Variants in CSMD3 observed in about 807,000 individuals in gnomAD.
CSMD3 encodes CUB and Sushi multiple domains 3.
In CSMD3, 177 loss-of-function variants were observed where a neutral mutation model predicts 435.2. The observed-to-expected ratio is 0.41, with a 90% confidence interval of 0.36 to 0.46. CSMD3 has a LOEUF of 0.46. CSMD3 is among the 20% of genes least tolerant of loss of function. The pLI, the probability that CSMD3 is intolerant of heterozygous loss-of-function variation, is 0.34. For synonymous variants in CSMD3, 1,656 were observed against 1,520.5 expected (o/e 1.09, Z -2.07); for missense variants, 4,265 against 4,504.6 (o/e 0.95, Z 1.52).
At chr8:112,852,038 C>T (rs1440094598) in intron 11 of CSMD3, among the ~76,000 whole-genome samples, 1 of 152,002 alleles carries the variant, frequency 6.6e-6, no homozygotes, top group African/African-American at 2.4e-5. Context: ...AGAAAATTTG[C>T]TTAGAGAAGT....
At chr8:113,005,511 T>C (rs2086023702) in intron 6 of CSMD3, among the ~76,000 whole-genome samples, 1 of 151,988 alleles carries the variant, frequency 6.6e-6, no homozygotes, top group African/African-American at 2.4e-5. Context: ...CATCAAAATA[T>C]ACTCTCAAAT....
intron 5 of CSMD3, among the ~76,000 whole-genome samples, chr8:113,035,920 A>G (rs1262822060): frequency 1.3e-5 from 2 of 152,002 alleles, no homozygotes; most frequent in Admixed American, 1.3e-4. Context: ...AAGGAAATGC[A>G]TTCATTATTT....
chr8:112,636,163 T>C (rs1036032318), intron 22 of CSMD3, among the ~76,000 whole-genome samples: 17 of 152,120 alleles, frequency 1.1e-4, no homozygotes, highest in Admixed American at 1.3e-4. Flanking sequence ...TTTCTTTTTA[T>C]CAGTCAAAAT....
chr8:112,825,516 TTTG>T (rs572332742), intron 12 of CSMD3, among the ~76,000 whole-genome samples: 1 of 152,124 alleles, frequency 6.6e-6, no homozygotes, highest in Non-Finnish European at 1.5e-5. Context: ...TGGGGACTTT[TTTG>T]TTGTTGTTGT....
intron 31 of CSMD3, among the ~76,000 whole-genome samples, chr8:112,476,556 T>C (rs1460467919): frequency 6.6e-6 from 1 of 152,172 alleles, no homozygotes; most frequent in East Asian, 1.9e-4. Flanking sequence ...AAGAACATAC[T>C]TTGCAAAAGG....
intron 35 of CSMD3, among the ~76,000 whole-genome samples, chr8:112,395,859 T>C (rs1404055998): frequency 1.3e-5 from 2 of 152,184 alleles, no homozygotes; most frequent in Admixed American, 6.5e-5. Context: ...ATAAGTTTTA[T>C]TTTTCAGTTT....
intron 22 of CSMD3, among the ~76,000 whole-genome samples, chr8:112,612,871 C>T (rs1223478623): frequency 6.6e-6 from 1 of 150,986 alleles, no homozygotes; most frequent in Non-Finnish European, 1.5e-5. Flanking sequence ...GGGTGTACAC[C>T]ACCACCACCA....
intron 52 of CSMD3, among the ~76,000 whole-genome samples, chr8:112,304,116 A>T (rs1821182336): frequency 6.6e-6 from 1 of 152,170 alleles, no homozygotes; most frequent in African/African-American, 2.4e-5. Context: ...ATTTGGTTCA[A>T]TAATATTTAT....
chr8:112,386,944 C>G (rs1357888234), intron 36 of CSMD3, among the ~76,000 whole-genome samples: 1 of 152,154 alleles, frequency 6.6e-6, no homozygotes, highest in African/African-American at 2.4e-5. Flanking sequence ...TATAACTGTT[C>G]AAATTACATT....
At chr8:113,054,771 T>C (rs1000116104) in intron 5 of CSMD3, among the ~76,000 whole-genome samples, 11 of 152,150 alleles carry the variant, frequency 7.2e-5, no homozygotes, top group African/African-American at 2.7e-4. Context: ...CATTTCCTTG[T>C]CTAACATTTT....
At chr8:112,611,455 G>A (rs1212626527) in intron 22 of CSMD3, among the ~76,000 whole-genome samples, 1 of 152,150 alleles carries the variant, frequency 6.6e-6, no homozygotes, top group Non-Finnish European at 1.5e-5. Context: ...AGACATAAAA[G>A]TTTCTTTAGA....
chr8:113,047,483 C>T (rs932498561), intron 5 of CSMD3, among the ~76,000 whole-genome samples: 5 of 152,140 alleles, frequency 3.3e-5, no homozygotes, highest in African/African-American at 9.7e-5. Flanking sequence ...TTTGTTAAAT[C>T]TTGTCAAAAA....
intron 24 of CSMD3, among the ~76,000 whole-genome samples, chr8:112,559,582 A>G (rs997062556): frequency 6.6e-6 from 1 of 151,836 alleles, no homozygotes; most frequent in African/African-American, 2.4e-5. Context: ...ATAAGAATCT[A>G]TCTGCATCCT....
intron 11 of CSMD3, among the ~76,000 whole-genome samples, chr8:112,832,756 A>G (rs1266770915): frequency 6.6e-6 from 1 of 151,542 alleles, no homozygotes; most frequent in South Asian, 2.1e-4. Context: ...CCATGCCCAG[A>G]CTCCTTTCCT....
At chr8:112,522,822 C>T (rs892486187) in intron 27 of CSMD3, among the ~76,000 whole-genome samples, 3 of 151,864 alleles carry the variant, frequency 2.0e-5, no homozygotes, top group Non-Finnish European at 4.4e-5. Flanking sequence ...ATATACTTCT[C>T]ACTTATTTTA....
intron 7 of CSMD3, among the ~76,000 whole-genome samples, chr8:112,957,936 G>T (rs1159538067): frequency 2.0e-5 from 3 of 148,192 alleles, no homozygotes; most frequent in Non-Finnish European, 3.0e-5. Context: ...GTAGAGACAG[G>T]GTTTCACCAT....
intron 16 of CSMD3, among the ~76,000 whole-genome samples, chr8:112,671,761 T>C (rs1479469828): frequency 6.6e-6 from 1 of 152,098 alleles, no homozygotes; most frequent in Non-Finnish European, 1.5e-5. Context: ...TTTATTATTT[T>C]TCCAAAAGAA....
At chr8:112,760,498 A>T (rs1019322439) in intron 13 of CSMD3, among the ~76,000 whole-genome samples, 3 of 152,200 alleles carry the variant, frequency 2.0e-5, no homozygotes, top group Non-Finnish European at 4.4e-5. Flanking sequence ...GGTTTTCTAC[A>T]TAACTTCTAT....
intron 31 of CSMD3, among the ~76,000 whole-genome samples, chr8:112,481,401 T>C (rs539762276): frequency 1.1e-4 from 16 of 152,342 alleles, no homozygotes; most frequent in Admixed American, 1.0e-3. Flanking sequence ...GTGTAATGCA[T>C]AATTTATTAT....
Sources: allele counts gnomAD v4.1 joint callset (sites outside exome capture counted in the v4.1 genomes callset), GRCh38; gene constraint gnomAD v4.1.1; transcripts MANE v1.5; gene names NCBI Gene and HGNC (gene_info 2026-07-23, HGNC 2026-07-21).